Variants in C5AR2 observed in about 807,000 individuals in gnomAD.
The protein encoded by C5AR2 is complement C5a receptor 2, also known as C5a anaphylatoxin chemotactic receptor 2.
For synonymous variants in C5AR2, 224 were observed against 216.5 expected, an observed-to-expected ratio of 1.03 and a Z score of -0.30; for missense variants, 458 against 467.5, an observed-to-expected ratio of 0.98 and a Z score of 0.19.
intron 1 of C5AR2, among the ~76,000 whole-genome samples, chr19:47,334,066 A>G (rs2059348733): frequency 6.6e-6 from 1 of 151,892 alleles, no homozygotes; most frequent in African/African-American, 2.4e-5. Flanking sequence ...CCAAATATCG[A>G]CCATGCCTGT....
intron 1 of C5AR2, among the ~76,000 whole-genome samples, chr19:47,335,056 T>C (rs1382337815): frequency 1.3e-4 from 1 of 7,986 alleles, no homozygotes; most frequent in East Asian, 8.3e-3. Context: ...AGCTAATTTT[T>C]TTTTTTTTTT....
At chr19:47,334,884 AT>A (rs2059351450) in intron 1 of C5AR2, among the ~76,000 whole-genome samples, 1 of 28,588 alleles carries the variant, frequency 3.5e-5, no homozygotes, top group African/African-American at 1.9e-4. Context: ...TCTAAGCCAA[AT>A]CCAATTTTTT....
At chr19:47,334,468 G>GGA (rs373044897) in intron 1 of C5AR2, among the ~76,000 whole-genome samples, 11 of 138,424 alleles carry the variant, frequency 7.9e-5, no homozygotes, top group Non-Finnish European at 7.7e-5. Flanking sequence ...TGTCCATACA[G>GGA]AAAAAAAAAA....
rs1315591231 is a variant in C5AR2 at position 47,343,237 on chromosome 19, A to G, written c.*1424A>G. 6.6e-6 allele frequency: 1 copy of G among 152,184 alleles called. No individual in the cohort carries two copies. The highest frequency in any genetic ancestry group is 1.5e-5 in the Non-Finnish European group (1 of 68,040). The allele number at this position is 152,184 out of a possible 1,614,324, so 9.4% of individuals were successfully genotyped here. A position where few individuals can be genotyped will look rare whatever the true frequency, so the allele number is the denominator to read the frequency against. ...GCAGCTTCCAGAAGCTGAAACAGACAAGGAAACAGATTCTCTCTGAAGCTC... is the reference window on the plus strand; with the variant it reads ...GCAGCTTCCAGAAGCTGAAACAGACGAGGAAACAGATTCTCTCTGAAGCTC... On this transcript the variant is annotated 3_prime_UTR_variant, in exon 2 of 2. Transcript: ENST00000595464.
At chr19:47,337,531 G>A (rs1169660541) in intron 1 of C5AR2, among the ~76,000 whole-genome samples, 5 of 151,936 alleles carry the variant, frequency 3.3e-5, no homozygotes, top group African/African-American at 4.8e-5. Context: ...GCATGGTGGC[G>A]GGTGCCTGTA....
chr19:47,339,256 G>T (rs1421521174), intron 1 of C5AR2, among the ~76,000 whole-genome samples: 2 of 152,066 alleles, frequency 1.3e-5, no homozygotes, highest in African/African-American at 4.8e-5. Context: ...TCCTTGCGTT[G>T]CCCACGTGGC....
In C5AR2 at chr19:47,340,795, C is replaced by A. The variant is rs1030101575; in HGVS notation, c.-5C>A. Reference sequence around the variant, plus strand: ...TTCTCTCCTGCCCAGACACCAGGAGCCTGAATGGGGAACGATTCTGTCAGC... The same window carrying A: ...TTCTCTCCTGCCCAGACACCAGGAGACTGAATGGGGAACGATTCTGTCAGC... On this transcript the variant is annotated 5_prime_UTR_variant, in exon 2 of 2. Coordinates refer to ENST00000595464, the MANE Select transcript of C5AR2 (RefSeq NM_001271749.2). 2.5e-6 allele frequency: 4 copies of A among 1,613,248 alleles called. No homozygotes were observed. The highest frequency in any genetic ancestry group is 1.1e-5 in the South Asian group (1 of 91,080).
chr19:47,339,463 G>A (rs535104019), intron 1 of C5AR2, among the ~76,000 whole-genome samples: 3 of 151,958 alleles, frequency 2.0e-5, no homozygotes, highest in Non-Finnish European at 4.4e-5. Flanking sequence ...GATTACAGGC[G>A]TCCACCATCA....
intron 1 of C5AR2, among the ~76,000 whole-genome samples, chr19:47,334,554 G>A (rs2059350359): frequency 6.6e-6 from 1 of 151,992 alleles, no homozygotes; most frequent in Non-Finnish European, 1.5e-5. Flanking sequence ...GATCAGTTGA[G>A]CCTAGGAGGT....
Position 47,346,417 on chromosome 19 carries a change from G to A in C5AR2, c.*4604G>A, listed in dbSNP as rs1032510003. 6.6e-6 allele frequency: 1 copy of A among 151,842 alleles called. No homozygotes were observed. The highest frequency in any genetic ancestry group is 1.5e-5 in the Non-Finnish European group (1 of 68,004). The allele number at this position is 151,842 out of a possible 1,614,324, so 9.4% of individuals were successfully genotyped here. A position where few individuals can be genotyped will look rare whatever the true frequency, so the allele number is the denominator to read the frequency against. ...ATAAATAGGTATAGGCTAAAAATAGGTATAGGCTGGGCGTGGTGGCTCATG... is the reference window on the plus strand; with the variant it reads ...ATAAATAGGTATAGGCTAAAAATAGATATAGGCTGGGCGTGGTGGCTCATG... On this transcript the variant is annotated 3_prime_UTR_variant, in exon 2 of 2. Coordinates refer to ENST00000595464, the MANE Select transcript of C5AR2 (RefSeq NM_001271749.2).
Position 47,346,090 on chromosome 19 carries a change from A to G in C5AR2, c.*4277A>G, listed in dbSNP as rs1969115469. The G allele has an allele frequency of 6.6e-6, 1 of 152,008 alleles. No homozygotes were observed. Among genetic ancestry groups the G allele is most frequent in the East Asian group, 2.0e-4 (1 of 5,096 alleles). 9.4% of individuals were successfully genotyped at this position (152,008 alleles called of 1,614,324 possible). A position where few individuals can be genotyped will look rare whatever the true frequency, so the allele number is the denominator to read the frequency against. On this transcript the variant is annotated 3_prime_UTR_variant, in exon 2 of 2. Transcript: ENST00000595464. ...TTTTTAGTAGAGATGGGGTTTCGCCATATTAGCCAGGCTGGTCTTGAACTC... is the reference window on the plus strand; with the variant it reads ...TTTTTAGTAGAGATGGGGTTTCGCCGTATTAGCCAGGCTGGTCTTGAACTC...
At position 47,347,018 on chromosome 19, in the gene C5AR2, G is replaced by C. The variant is rs1005093383; in HGVS notation, c.*5205G>C. On this transcript the variant is annotated 3_prime_UTR_variant, in exon 2 of 2. Transcript: ENST00000595464. Reference sequence around the variant, plus strand: ...TTTTGAACTGGAATACATTTCACGGGAATTTTCAAATTTAAGTCTGTGCAA... The same window carrying C: ...TTTTGAACTGGAATACATTTCACGGCAATTTTCAAATTTAAGTCTGTGCAA... 3 of 152,102 alleles carry C rather than the reference G, an allele frequency of 2.0e-5. No homozygotes were observed. The highest frequency in any genetic ancestry group is 4.4e-5 in the Non-Finnish European group (3 of 68,022). 9.4% of individuals were successfully genotyped at this position (152,102 alleles called of 1,614,324 possible).
At position 47,347,089 on chromosome 19, in the gene C5AR2, A is replaced by G. The variant is rs990559517; in HGVS notation, c.*5276A>G. On this transcript the variant is annotated 3_prime_UTR_variant, in exon 2 of 2. Transcript: ENST00000595464. ...ATTATTAAAAGCCATCTGTTTTGCT[A>G]TAACTTCCCTTTTTTGTTCTAAAGT... is the stretch of plus-strand genomic sequence containing the variant. 1.3e-5 allele frequency: 2 copies of G among 152,164 alleles called. No homozygotes were observed. The highest frequency in any genetic ancestry group is 4.1e-4 in the South Asian group (2 of 4,830). The allele number at this position is 152,164 out of a possible 1,614,324, so 9.4% of individuals were successfully genotyped here. A position where few individuals can be genotyped will look rare whatever the true frequency, so the allele number is the denominator to read the frequency against.
In C5AR2 at chr19:47,340,869, CT is replaced by C. The variant is rs771094370; in HGVS notation, c.71del (p.Leu24ArgfsTer93). The C allele has an allele frequency of 4.3e-6, 7 of 1,613,596 alleles. 1 individual carries two copies. In the South Asian group the frequency reaches 7.7e-5, roughly 18 times the overall value. On this transcript the variant is annotated frameshift_variant, in exon 2 of 2. Coordinates refer to ENST00000595464, the MANE Select transcript of C5AR2 (RefSeq NM_001271749.2). LOFTEE classifies it low-confidence loss of function (END_TRUNC). ...CCTCTCGGACCGCCCTGTGGACTGC[CT>C]GGATGGCGCCTGCCTGGCCATCGAC... Reference protein sequence around the residue: ...SDLSDRPVDCLDGACLAIDPL... With the variant: ...SDLSDRPVDCXDGACLAIDPL...
In C5AR2 at chr19:47,341,642, C is replaced by G. The variant is rs34085015; in HGVS notation, c.843C>G (p.Leu281=). 35 of 1,613,968 alleles carry G rather than the reference C, an allele frequency of 2.2e-5. 1 individual carries two copies. The highest frequency in any genetic ancestry group is 3.3e-5 in the South Asian group (3 of 91,088). ...AACCCCTCATCGTGGGCCTTGCCCT[C>G]GCTCACAGCTGCCTCAATCCCATGC... ...RAEPLIVGLA[L]AHSCLNPMLF... The change falls in exon 2 of 2, where the codon CTC becomes CTG. Residue 281 remains leucine, a synonymous_variant. Transcript: ENST00000595464. The surrounding 1 kb of genome is among the most constrained non-coding windows in gnomAD (Gnocchi z 4.6).
intron 1 of C5AR2, among the ~76,000 whole-genome samples, chr19:47,337,874 C>T (rs2059364332): frequency 6.6e-6 from 1 of 151,790 alleles, no homozygotes; most frequent in South Asian, 2.1e-4. Context: ...AATTCCAAAC[C>T]AGCCTGACCA....
chr19:47,340,951 C>T lies in C5AR2; in HGVS notation c.152C>T (p.Pro51Leu), dbSNP rs575276139. ...GCCGCCATCTTCCTGGTGGGGGTGC[C>T]GGGCAATGCCATGGTGGCCTGGGTG... is the stretch of plus-strand genomic sequence containing the variant. ...LYAAIFLVGV[P>L]GNAMVAWVAG... Residue 51 changes from proline to leucine, a missense_variant, in exon 2 of 2, where the codon CCG (proline) becomes CTG (leucine). Coordinates refer to ENST00000595464, the MANE Select transcript of C5AR2 (RefSeq NM_001271749.2). 1.4e-5 allele frequency: 22 copies of T among 1,611,724 alleles called. No homozygotes were observed. Among genetic ancestry groups the T allele is most frequent in the Non-Finnish European group, 1.5e-5 (18 of 1,179,906 alleles).
chr19:47,340,454 C>A (rs1359259957), intron 1 of C5AR2, among the ~76,000 whole-genome samples: 9 of 150,412 alleles, frequency 6.0e-5, no homozygotes, highest in African/African-American at 2.0e-4. Context: ...TCAAGAAATT[C>A]TCAGCCTCCC....
intron 1 of C5AR2, among the ~76,000 whole-genome samples, chr19:47,336,847 A>G (rs1392931348): frequency 6.6e-6 from 1 of 152,080 alleles, no homozygotes; most frequent in Non-Finnish European, 1.5e-5. Context: ...AGGGATAAAA[A>G]TAATACGAAA....
Sources: allele counts gnomAD v4.1 joint callset (sites outside exome capture counted in the v4.1 genomes callset), GRCh38; gene constraint gnomAD v4.1.1; non-coding constraint Gnocchi (gnomAD v3.1); transcripts MANE v1.5; gene names NCBI Gene and HGNC (gene_info 2026-07-23, HGNC 2026-07-21).